IRF2: variants seen among roughly 807,000 people sequenced by gnomAD.
The protein encoded by IRF2 is interferon regulatory factor 2.
Under a neutral mutation model 40.6 loss-of-function variants are expected in IRF2, and 15 were observed. The ratio of observed to expected loss-of-function variants is 0.37; its 90% CI spans 0.25 to 0.57. IRF2 has a LOEUF of 0.57. IRF2 is among the 20% of genes least tolerant of loss of function. IRF2 has a pLI of 0.77. For synonymous variants in IRF2, 151 were observed against 165.5 expected (o/e 0.91, Z 0.67); for missense variants, 317 against 455.7 (o/e 0.70, Z 2.77).
chr4:184,454,596 C>T (rs1177755342), intron 1 of IRF2, among the ~76,000 whole-genome samples: 4 of 152,162 alleles, frequency 2.6e-5, no homozygotes, highest in South Asian at 2.1e-4. Context: ...GTGGGAGGGT[C>T]GGATCTGGCA....
chr4:184,462,953 C>T (rs1010010936), intron 1 of IRF2, among the ~76,000 whole-genome samples: 2 of 152,168 alleles, frequency 1.3e-5, no homozygotes, highest in African/African-American at 2.4e-5. Flanking sequence ...TGTCAAACAC[C>T]GGTGAGGAAT....
rs958062568 is a variant in IRF2, at chr4:184,413,037, A to G, written c.412-4762T>C. 2.0e-5 allele frequency among the ~76,000 whole-genome samples: 3 copies of G among 152,028 alleles called. No homozygotes were observed. Among genetic ancestry groups the G allele is most frequent in the Admixed American group, 1.3e-4 (2 of 15,266 alleles). ...TCTCCACAAAACGACCTGCATTCCCAACACTCGCTTCTGAAGGTGCAAAAC... is the reference window on the plus strand; with the variant it reads ...TCTCCACAAAACGACCTGCATTCCCGACACTCGCTTCTGAAGGTGCAAAAC... On this transcript the variant is annotated intron_variant, in intron 5 of 8. Transcript: ENST00000393593. The surrounding 1 kb of genome is among the most constrained non-coding windows in gnomAD (Gnocchi z 4.2).
chr4:184,434,216 A>G (rs962522798), intron 1 of IRF2, among the ~76,000 whole-genome samples: 2 of 152,150 alleles, frequency 1.3e-5, no homozygotes, highest in Admixed American at 6.5e-5. Context: ...CAGAGCGGCT[A>G]TGTTTGTCTA....
chr4:184,444,124 T>G (rs1738414540), intron 1 of IRF2, among the ~76,000 whole-genome samples: 1 of 152,192 alleles, frequency 6.6e-6, no homozygotes, highest in Admixed American at 6.5e-5. Context: ...GCGGCTCCCA[T>G]ATCCATGACA....
intron 2 of IRF2, among the ~76,000 whole-genome samples, chr4:184,422,802 G>C (rs1219686643): frequency 6.6e-6 from 1 of 152,174 alleles, no homozygotes. Flanking sequence ...CCACAAGCTA[G>C]GGGGGAGGGA....
chr4:184,473,116 G>T (rs989036220), intron 1 of IRF2, among the ~76,000 whole-genome samples: 3 of 151,920 alleles, frequency 2.0e-5, no homozygotes, highest in Non-Finnish European at 4.4e-5. Flanking sequence ...CGGTGGGCGA[G>T]CCCTACCGGC....
intron 7 of IRF2, among the ~76,000 whole-genome samples, chr4:184,393,234 T>A (rs114839150): frequency 2.5e-3 from 376 of 152,346 alleles, no homozygotes; most frequent in African/African-American, 8.6e-3. Context: ...GCCTGTGCAC[T>A]GCACACAGCA....
At chr4:184,453,536 G>A (rs891352199) in intron 1 of IRF2, among the ~76,000 whole-genome samples, 6 of 152,238 alleles carry the variant, frequency 3.9e-5, no homozygotes, top group East Asian at 3.8e-4. Context: ...ACATGACCTC[G>A]AGAAGGCACA....
At position 184,440,329 on chromosome 4, in the gene IRF2, C is replaced by A. The variant is rs888052697; in HGVS notation, c.-6-11259G>T. Among the ~76,000 whole-genome samples the A allele has an allele frequency of 2.0e-5, 3 of 152,246 alleles. No individual in the cohort carries two copies. In the East Asian group the frequency reaches 5.8e-4, roughly 29 times the overall value. On this transcript the variant is annotated intron_variant, in intron 1 of 8. Transcript: ENST00000393593. ...CTGTCCCGGCCACCCTCCCTTCAAT[C>A]CACTTCCACATTCCACACAGCGGAG...
chr4:184,419,664 C>T (rs951022415), intron 2 of IRF2, 96 bp from the exon 3 acceptor site: 1 of 806,162 alleles, frequency 1.2e-6, no homozygotes, highest in Admixed American at 2.4e-5. Flanking sequence ...GCAAGATTCC[C>T]CAGCAAGCAT....
At chr4:184,411,506 AGCCATCAGT>A (rs1737072147) in intron 5 of IRF2, among the ~76,000 whole-genome samples, 2 of 152,274 alleles carry the variant, frequency 1.3e-5, no homozygotes, top group African/African-American at 4.8e-5. Context: ...GTCATTTCAG[AGCCATCAGT>A]GCCAATCATC....
At chr4:184,398,293 A>T (rs1283828345) in intron 7 of IRF2, among the ~76,000 whole-genome samples, 3 of 152,230 alleles carry the variant, frequency 2.0e-5, no homozygotes, top group African/African-American at 7.2e-5. Flanking sequence ...ATTTCTAATA[A>T]CTTGGGCTAA....
At chr4:184,407,301 TA>T in intron 6 of IRF2, 1 of 1,241,320 alleles carries the variant, frequency 8.1e-7, no homozygotes, top group Non-Finnish European at 1.0e-6. Flanking sequence ...AAAGTAAAAA[TA>T]AAAAGGAGTT....
intron 7 of IRF2, among the ~76,000 whole-genome samples, chr4:184,395,734 T>A (rs1736431021): frequency 1.3e-5 from 2 of 152,182 alleles, no homozygotes; most frequent in African/African-American, 4.8e-5. Flanking sequence ...ATCCAGACAA[T>A]GAAAACAACG....
chr4:184,459,641 A>G (rs1460190109), intron 1 of IRF2, among the ~76,000 whole-genome samples: 2 of 152,222 alleles, frequency 1.3e-5, no homozygotes, highest in Admixed American at 1.3e-4. Flanking sequence ...AAAACCACAA[A>G]ATGAATGACT....
At chr4:184,398,652 T>C (rs534538390) in intron 7 of IRF2, among the ~76,000 whole-genome samples, 2 of 141,126 alleles carry the variant, frequency 1.4e-5, no homozygotes, top group South Asian at 4.3e-4. Context: ...CGAGACTCTG[T>C]CTCAAAAAAA....
intron 7 of IRF2, 55 bp from the exon 8 acceptor site, chr4:184,390,804 C>CA (rs1223673700): frequency 5.7e-6 from 9 of 1,587,576 alleles, no homozygotes; most frequent in Non-Finnish European, 6.9e-6. Context: ...AAGCTGTCCC[C>CA]AGGCTCAGGC....
At chr4:184,432,184 C>T (rs1346900212) in intron 1 of IRF2, 2 of 152,178 alleles carry the variant, frequency 1.3e-5, no homozygotes, top group Non-Finnish European at 2.9e-5. Context: ...GTGAATTTGC[C>T]TACTCACTGA....
rs779474912 is a variant in IRF2, at chr4:184,414,826, A to G, written c.411+3341T>C. 3.3e-5 allele frequency among the ~76,000 whole-genome samples: 5 copies of G among 152,274 alleles called. No individual in the cohort carries two copies. In the South Asian group the frequency reaches 6.2e-4, roughly 19 times the overall value. ...TTGAAGATTGGGAAAAGCTTGCTTCAACAGCAAATATTCATACCTAGTTAC... is the reference window on the plus strand; with the variant it reads ...TTGAAGATTGGGAAAAGCTTGCTTCGACAGCAAATATTCATACCTAGTTAC... On this transcript the variant is annotated intron_variant, in intron 5 of 8. Transcript: ENST00000393593.
Sources: allele counts gnomAD v4.1 joint callset (sites outside exome capture counted in the v4.1 genomes callset), GRCh38; gene constraint gnomAD v4.1.1; non-coding constraint Gnocchi (gnomAD v3.1); transcripts MANE v1.5; gene names NCBI Gene and HGNC (gene_info 2026-07-23, HGNC 2026-07-21).